GANC: variants seen among roughly 807,000 people sequenced by gnomAD.
GANC encodes the protein glucosidase alpha, neutral C, also known as neutral alpha-glucosidase C.
In GANC, 117 loss-of-function variants were observed where a neutral mutation model predicts 124.2. The ratio of observed to expected loss-of-function variants is 0.94; its 90% CI spans 0.81 to 1.10. The LOEUF is 1.10. GANC is among the 50% of genes least tolerant of loss of function. GANC has a pLI of 0.00. For synonymous variants in GANC, 377 were observed against 376.8 expected, an observed-to-expected ratio of 1.00 and a Z score of -0.01; for missense variants, 1,140 against 1,095.0, an observed-to-expected ratio of 1.04 and a Z score of -0.58.
Position 42,278,562 on chromosome 15 carries a change from G to T in GANC, c.173G>T (p.Arg58Met), listed in dbSNP as rs761690390. 6.2e-7 allele frequency: 1 copy of T among 1,611,828 alleles called. No individual in the cohort carries two copies. The highest frequency in any genetic ancestry group is 8.5e-7 in the Non-Finnish European group (1 of 1,178,902). Residue 58 changes from arginine to methionine, a missense_variant, in exon 3 of 24, where the codon AGG becomes ATG. By Grantham distance (91) the Arg-to-Met change is moderately conservative (BLOSUM62 -1). Coordinates refer to ENST00000318010, the MANE Select transcript of GANC (RefSeq NM_198141.3). ...DSVTTDEDST[R>M]FQIINEASKV... The stretch of plus-strand genomic sequence containing the variant: ...GTCACAACAGATGAAGACAGCACCA[G>T]GTTCCAAATCATCAATGAAGCAAGT...
intron 2 of GANC, among the ~76,000 whole-genome samples, chr15:42,276,631 T>C (rs2051674194): frequency 6.6e-6 from 1 of 152,216 alleles, no homozygotes; most frequent in South Asian, 2.1e-4. Context: ...GCCAAAATAT[T>C]TTTAAACTAG....
chr15:42,318,012 A>G (rs942875102), intron 10 of GANC, among the ~76,000 whole-genome samples: 1 of 152,204 alleles, frequency 6.6e-6, no homozygotes, highest in Non-Finnish European at 1.5e-5. Flanking sequence ...TGGTTAAATC[A>G]ATATTCAATG....
At chr15:42,340,633 A>G in intron 17 of GANC, 57 bp from the exon 18 acceptor site, 3 of 1,113,110 alleles carry the variant, frequency 2.7e-6, no homozygotes, top group Non-Finnish European at 3.9e-6. Context: ...AATATAAGTG[A>G]TTGATTGCAA....
At chr15:42,285,325 C>T (rs1051806366) in intron 3 of GANC, among the ~76,000 whole-genome samples, 2 of 152,128 alleles carry the variant, frequency 1.3e-5, no homozygotes, top group Non-Finnish European at 2.9e-5. Flanking sequence ...AGGTGGGACA[C>T]TGAGCCATTC....
chr15:42,320,740 C>T (rs188768506), intron 10 of GANC, among the ~76,000 whole-genome samples: 5 of 152,308 alleles, frequency 3.3e-5, no homozygotes, highest in African/African-American at 1.2e-4. Context: ...TGAGCCACCA[C>T]ACCTGCCTCC....
At position 42,310,345 on chromosome 15, in the gene GANC, T is replaced by C; in HGVS notation, c.785T>C (p.Met262Thr). The C allele has an allele frequency of 1.2e-6, 2 of 1,613,482 alleles. No individual in the cohort carries two copies. The highest frequency in any genetic ancestry group is 1.7e-6 in the Non-Finnish European group (2 of 1,179,538). ...TATGGATACCAAATATATGATAAAA[T>C]GGGCATTTATGGTTCAGTACCTTAT... ...DVYGYQIYDK[M>T]GIYGSVPYLL... is the part of the protein sequence containing the mutation. The change falls in exon 9 of 24, where the codon ATG (methionine) becomes ACG (threonine). Residue 262 changes from methionine to threonine, a missense_variant. Met to Thr is a moderately conservative substitution (Grantham distance 81). Transcript: ENST00000318010.
At chr15:42,320,913 C>G (rs2052150638) in intron 10 of GANC, among the ~76,000 whole-genome samples, 1 of 152,140 alleles carries the variant, frequency 6.6e-6, no homozygotes, top group African/African-American at 2.4e-5. Context: ...CCAACAGTTA[C>G]CACCCTGCTC....
At position 42,310,478 on chromosome 15, in the gene GANC, A is replaced by G. The variant is rs754887550; in HGVS notation, c.903+15A>G. ...CTGCAGTAGAGGTGAGCTATTTATCATGGCTACATGTCATACTTAAAGAAG... is the reference window on the plus strand; with the variant it reads ...CTGCAGTAGAGGTGAGCTATTTATCGTGGCTACATGTCATACTTAAAGAAG... On this transcript the variant is annotated intron_variant, in intron 9 of 23. Transcript: ENST00000318010. The G allele has an allele frequency of 1.9e-6, 3 of 1,577,758 alleles. No homozygotes were observed. Among genetic ancestry groups the G allele is most frequent in the South Asian group, 1.1e-5 (1 of 87,996 alleles).
Position 42,339,888 on chromosome 15 carries a change from A to T in GANC, c.2063A>T (p.His688Leu). The change falls in exon 17 of 24, where the codon CAC becomes CTC. Residue 688 changes from histidine (H) to leucine (L), a missense_variant. By Grantham distance (99) the His-to-Leu change is moderately conservative. Coordinates refer to ENST00000318010, the MANE Select transcript of GANC (RefSeq NM_198141.3). ...TGGTATTCTCTGTTCTACCATGCAC[A>T]CGTGGCTTCCCAACCTGTCATGAGG... ...PYWYSLFYHA[H>L]VASQPVMRPL... 1.8e-5 allele frequency: 29 copies of T among 1,613,886 alleles called. No individual in the cohort carries two copies. Among genetic ancestry groups the T allele is most frequent in the Non-Finnish European group, 2.5e-5 (29 of 1,179,794 alleles).
rs1363191131 is a variant in GANC at position 42,352,819 on chromosome 15, C to G, written c.*680C>G. On this transcript the variant is annotated 3_prime_UTR_variant, in exon 24 of 24. Transcript: ENST00000318010. ...TTTACTAACCAAATAATATTTATAA[C>G]ATGAGTAAGCTATAATTAATAACAA... 1 of 685,104 alleles carries G rather than the reference C, an allele frequency of 1.5e-6. No homozygotes were observed. Among genetic ancestry groups the G allele is most frequent in the African/African-American group, 2.0e-5 (1 of 51,170 alleles). The allele number at this position is 685,104 out of a possible 1,614,324, so 42.4% of individuals were successfully genotyped here.
At chr15:42,282,051 G>A (rs577908982) in intron 3 of GANC, among the ~76,000 whole-genome samples, 12 of 152,170 alleles carry the variant, frequency 7.9e-5, no homozygotes, top group Non-Finnish European at 1.6e-4. Context: ...GGCCGAGTGC[G>A]GTGGCTCACA....
intron 16 of GANC, 76 bp from the exon 17 acceptor site, chr15:42,339,593 T>C (rs1391775719): frequency 6.4e-7 from 1 of 1,551,014 alleles, no homozygotes. Flanking sequence ...CCTGTCGGTC[T>C]TCAAGACCTT....
chr15:42,341,656 G>C (rs748354781), intron 18 of GANC, among the ~76,000 whole-genome samples: 1 of 151,632 alleles, frequency 6.6e-6, no homozygotes, highest in Non-Finnish European at 1.5e-5. Context: ...CTCTGCCTCC[G>C]GGGCTCAAGC....
rs2141003081 is a variant in GANC at position 42,273,456 on chromosome 15, C to T, written c.-1026C>T. ...TTCACCCTCTTCCGGTTCGTCCCGC[C>T]TTCTTCCGGCTCTGCTCTAAGGGCG... On this transcript the variant is annotated 5_prime_UTR_variant, in exon 1 of 24. Coordinates refer to ENST00000318010, the MANE Select transcript of GANC (RefSeq NM_198141.3). The T allele has an allele frequency of 1.9e-5, 30 of 1,605,180 alleles. No homozygotes were observed. The South Asian group carries it at 3.2e-4, about 17-fold the overall frequency.
chr15:42,338,807 G>C (rs933966853), intron 16 of GANC, among the ~76,000 whole-genome samples: 1 of 151,976 alleles, frequency 6.6e-6, no homozygotes, highest in Non-Finnish European at 1.5e-5. Flanking sequence ...TTTTCTTCTT[G>C]AAAGTGAGAA....
At chr15:42,287,548 C>CTT in intron 3 of GANC, 143 bp from the exon 4 acceptor site, 5 of 688,694 alleles carry the variant, frequency 7.3e-6, no homozygotes, top group Admixed American at 3.6e-5. Context: ...AACTGGGGAG[C>CTT]TTTTTTTTTT....
intron 6 of GANC, among the ~76,000 whole-genome samples, chr15:42,303,120 C>A (rs1041452035): frequency 2.6e-5 from 4 of 152,160 alleles, no homozygotes; most frequent in Admixed American, 2.6e-4. Context: ...GTCAGGTTAC[C>A]CACAAAGGGA....
intron 5 of GANC, among the ~76,000 whole-genome samples, chr15:42,294,705 CATT>C (rs1437237909): frequency 6.6e-6 from 1 of 151,182 alleles, no homozygotes; most frequent in Non-Finnish European, 1.5e-5. Context: ...CACCTTTACA[CATT>C]ATTCTACACC....
chr15:42,332,200 T>C (rs1291526779), intron 15 of GANC, among the ~76,000 whole-genome samples: 2 of 152,174 alleles, frequency 1.3e-5, no homozygotes, highest in African/African-American at 2.4e-5. Flanking sequence ...TTTAAATAAA[T>C]AAGTGGGTAG....
Sources: gnomAD v4.1 joint callset for allele counts (sites outside exome capture counted in the v4.1 genomes callset) on GRCh38, gnomAD v4.1.1 for gene constraint, MANE v1.5 for transcripts, NCBI Gene and HGNC (gene_info 2026-07-23, HGNC 2026-07-21) for gene names.